Variants in ACYP2 observed in about 807,000 individuals in gnomAD.
The protein encoded by ACYP2 is acylphosphatase 2, also known as acylphosphatase-2.
ACYP2 carries 12 observed loss-of-function variants against 11.2 expected under a neutral mutation model. The observed-to-expected ratio is 1.08, with a 90% CI of 0.69 to 1.74. The LOEUF (loss-of-function observed/expected upper bound fraction) is 1.74. Among genes scored for constraint, ACYP2 ranks in the 40% most tolerant of loss-of-function variants. The pLI, the probability that ACYP2 is intolerant of heterozygous loss-of-function variation, is 0.00. For missense variants in ACYP2, 134 were observed against 101.9 expected (o/e 1.31, Z -1.35); for synonymous variants, 43 against 32.2 (o/e 1.33, Z -1.13).
chr2:54,081,947 G>C (rs551751604), intron 4 of ACYP2, among the ~76,000 whole-genome samples: 1 of 152,188 alleles, frequency 6.6e-6, no homozygotes, highest in African/African-American at 2.4e-5. Flanking sequence ...CAGGAAGCTC[G>C]TATGGGCTTC....
At chr2:54,154,378 A>T (rs1682340251) in intron 6 of ACYP2, among the ~76,000 whole-genome samples, 1 of 152,208 alleles carries the variant, frequency 6.6e-6, no homozygotes, top group East Asian at 1.9e-4. Flanking sequence ...CTTAGAGAAA[A>T]AGTTTTCCAT....
chr2:54,170,540 T>C (rs941646980), intron 6 of ACYP2, among the ~76,000 whole-genome samples: 2 of 150,906 alleles, frequency 1.3e-5, no homozygotes, highest in Non-Finnish European at 2.9e-5. Flanking sequence ...CTCCAAATCC[T>C]GTTGCAGAAA....
intron 4 of ACYP2, among the ~76,000 whole-genome samples, chr2:54,074,168 C>T (rs1005001738): frequency 6.6e-6 from 1 of 152,122 alleles, no homozygotes; most frequent in African/African-American, 2.4e-5. Context: ...AGTGAGACCC[C>T]CATTTCTACA....
At chr2:54,177,483 T>A (rs1481691846) in intron 6 of ACYP2, among the ~76,000 whole-genome samples, 1 of 152,102 alleles carries the variant, frequency 6.6e-6, no homozygotes, top group African/African-American at 2.4e-5. Flanking sequence ...TGGTTTCTTA[T>A]CCTTGCCCAC....
intron 4 of ACYP2, among the ~76,000 whole-genome samples, chr2:54,129,569 C>A (rs1001077980): frequency 6.6e-6 from 1 of 150,820 alleles, no homozygotes; most frequent in African/African-American, 2.4e-5. Context: ...TTAGTAACTT[C>A]TTGCTATCTA....
At chr2:54,201,727 T>A (rs1289541008) in intron 6 of ACYP2, among the ~76,000 whole-genome samples, 1 of 151,074 alleles carries the variant, frequency 6.6e-6, no homozygotes, top group African/African-American at 2.4e-5. Context: ...TTCTTCTTTT[T>A]TTGAGACAGT....
At chr2:54,280,408 A>G (rs1396512955) in intron 6 of ACYP2, among the ~76,000 whole-genome samples, 4 of 152,134 alleles carry the variant, frequency 2.6e-5, no homozygotes, top group African/African-American at 9.7e-5. Flanking sequence ...ATAGGATACA[A>G]GCGGGGAGGT....
At chr2:54,132,160 C>A (rs1362257917) in intron 4 of ACYP2, among the ~76,000 whole-genome samples, 3 of 144,298 alleles carry the variant, frequency 2.1e-5, no homozygotes, top group Non-Finnish European at 4.6e-5. Context: ...GATCCCCTTA[C>A]CCTTATGATA....
intron 4 of ACYP2, among the ~76,000 whole-genome samples, chr2:54,066,512 G>A (rs961001230): frequency 1.3e-5 from 2 of 152,148 alleles, no homozygotes; most frequent in Non-Finnish European, 2.9e-5. Context: ...AGGAAATTGA[G>A]GTTCACATTT....
At chr2:54,244,101 GCATGAATT>G (rs1686845554) in intron 6 of ACYP2, among the ~76,000 whole-genome samples, 1 of 151,924 alleles carries the variant, frequency 6.6e-6, no homozygotes, top group Non-Finnish European at 1.5e-5. Context: ...ATAGTATGAG[GCATGAATT>G]CAACTTAATT....
chr2:54,125,561 C>A (rs966290206), intron 4 of ACYP2, among the ~76,000 whole-genome samples: 2 of 151,844 alleles, frequency 1.3e-5, no homozygotes. Context: ...ACCAGCCTGG[C>A]CAACATGGTG....
At chr2:54,287,427 A>T (rs1242043560) in intron 6 of ACYP2, among the ~76,000 whole-genome samples, 1 of 151,988 alleles carries the variant, frequency 6.6e-6, no homozygotes, top group African/African-American at 2.4e-5. Context: ...TGGGGGATAC[A>T]TTCAGACCAC....
At chr2:53,985,830 G>A (rs953628801) in intron 2 of ACYP2, among the ~76,000 whole-genome samples, 4 of 152,072 alleles carry the variant, frequency 2.6e-5, no homozygotes, top group Admixed American at 6.6e-5. Context: ...ACCTGAAAGC[G>A]AGCTGTTTAA....
chr2:54,062,195 C>G lies in ACYP2; in HGVS notation c.277+4835C>G, dbSNP rs567377848. 5.3e-5 allele frequency among the ~76,000 whole-genome samples: 8 copies of G among 152,284 alleles called. No individual in the cohort carries two copies. In the South Asian group the frequency reaches 6.2e-4, roughly 12 times the overall value. On this transcript the variant is annotated intron_variant, in intron 4 of 6. Coordinates refer to ENST00000607452, the MANE Select transcript of ACYP2 (RefSeq NM_001320586.2). ...CATCTGGGGGTTACAGAGTCTGTTT[C>G]TCACAGGAAGGCATGGGTTCTCTGG... is the stretch of plus-strand genomic sequence containing the variant.
intron 4 of ACYP2, among the ~76,000 whole-genome samples, chr2:54,131,179 T>A (rs1680877649): frequency 6.6e-6 from 1 of 152,266 alleles, no homozygotes; most frequent in Non-Finnish European, 1.5e-5. Context: ...CCTATTAGAT[T>A]TACCTGAGTT....
At chr2:54,059,261 C>T (rs533320293) in intron 4 of ACYP2, among the ~76,000 whole-genome samples, 33 of 151,258 alleles carry the variant, frequency 2.2e-4, no homozygotes, top group Non-Finnish European at 3.1e-4. Context: ...TCTTGTTGCC[C>T]GGGCTGGAGT....
chr2:54,301,390 TTC>T (rs1162458446), intron 6 of ACYP2, among the ~76,000 whole-genome samples: 9 of 152,186 alleles, frequency 5.9e-5, no homozygotes, highest in African/African-American at 2.2e-4. Context: ...CCCAATTCCC[TTC>T]TCCCTTTATA....
intron 4 of ACYP2, among the ~76,000 whole-genome samples, chr2:54,101,387 G>T (rs952321465): frequency 3.9e-5 from 6 of 152,084 alleles, no homozygotes; most frequent in African/African-American, 1.4e-4. Flanking sequence ...AGAACTGCCA[G>T]GGGCCGGGCG....
chr2:54,255,188 C>A lies in ACYP2; in HGVS notation c.405-49500C>A, dbSNP rs766178270. ...CACATGATTAGAGTGGAAAAAGACA[C>A]CACTTGGCCGAAGGATCTGACCTCA... On this transcript the variant is annotated intron_variant, in intron 6 of 6. Coordinates refer to ENST00000607452, the MANE Select transcript of ACYP2 (RefSeq NM_001320586.2). 5.0e-6 allele frequency: 8 copies of A among 1,614,064 alleles called. No individual in the cohort carries two copies. The East Asian group carries it at 1.8e-4, about 36-fold the overall frequency.
Sources: gnomAD v4.1 joint callset for allele counts (sites outside exome capture counted in the v4.1 genomes callset) on GRCh38, gnomAD v4.1.1 for gene constraint, MANE v1.5 for transcripts, NCBI Gene and HGNC (gene_info 2026-07-23, HGNC 2026-07-21) for gene names.